LPA: variants seen among roughly 807,000 people sequenced by gnomAD.
LPA encodes the protein apolipoprotein(a).
In LPA, 199 loss-of-function variants were observed where a neutral mutation model predicts 197.9. The ratio of observed to expected loss-of-function variants is 1.01; its 90% CI spans 0.90 to 1.13. The LOEUF (loss-of-function observed/expected upper bound fraction) is 1.13, where lower values mean the gene tolerates loss of function less well. Ranked by LOEUF, LPA falls within the 50% of genes most tolerant of loss-of-function variation. The pLI is 0.00. For missense variants in LPA, 1,853 were observed against 1,785.8 expected, an observed-to-expected ratio of 1.04 and a Z score of -0.68; for synonymous variants, 715 against 639.5, an observed-to-expected ratio of 1.12 and a Z score of -1.78.
intron 17 of LPA, among the ~76,000 whole-genome samples, chr6:160,605,908 G>A (rs1036293566): frequency 5.9e-5 from 9 of 152,150 alleles, no homozygotes; most frequent in Admixed American, 4.6e-4. Context: ...ACACGGGGCA[G>A]TCACTCACTT....
chr6:160,659,375 C>A (rs1365012840), intron 1 of LPA, among the ~76,000 whole-genome samples: 2 of 152,126 alleles, frequency 1.3e-5, no homozygotes, highest in African/African-American at 2.4e-5. Context: ...GTGTTAGTGG[C>A]AGAAGGACTT....
chr6:160,600,588 T>A, intron 19 of LPA, among the ~76,000 whole-genome samples: 1 of 152,206 alleles, frequency 6.6e-6, no homozygotes, highest in Non-Finnish European at 1.5e-5. Flanking sequence ...AAAAGTTTAC[T>A]GGCTTGGAAA....
At chr6:160,545,367 GT>G (rs145918593) in intron 33 of LPA, 72 bp downstream of exon 33, 15 of 1,149,818 alleles carry the variant, frequency 1.3e-5, no homozygotes, top group African/African-American at 3.2e-5. Context: ...GCCATTTTCT[GT>G]TTTTTTTGCT....
rs1336683419 is a variant in LPA, at chr6:160,595,381, G to T, written c.3442C>A (p.Pro1148Thr). 1.9e-6 allele frequency: 3 copies of T among 1,612,836 alleles called. No individual in the cohort carries two copies. Among genetic ancestry groups the T allele is most frequent in the Non-Finnish European group, 2.5e-6 (3 of 1,179,892 alleles). The change falls in exon 21 of 39, where the codon CCA becomes ACA. Residue 1148 changes from proline (P) to threonine (T), a missense_variant. By Grantham distance (38) the Pro-to-Thr change is conservative (BLOSUM62 -1). This residue lies in a region of LPA where 1,737 missense variants were observed against 1,504.4 expected (regional missense o/e 1.15). Coordinates refer to ENST00000316300, the MANE Select transcript of LPA (RefSeq NM_005577.4). ...TCTTCAGAAGAAGCCTCTGTGCTTG[G>T]ATCTGGGACCACCGTGAGAGTTGCA... ...VLATLTVVPD[P>T]STEASSEEAP...
chr6:160,588,730 C>T (rs1187006220), intron 24 of LPA, among the ~76,000 whole-genome samples: 1 of 152,132 alleles, frequency 6.6e-6, no homozygotes, highest in East Asian at 1.9e-4. Context: ...AGTCTCTCTC[C>T]TCAGTTAAGC....
At chr6:160,607,104 A>T (rs1779371829) in intron 16 of LPA, among the ~76,000 whole-genome samples, 1 of 152,076 alleles carries the variant, frequency 6.6e-6, no homozygotes, top group African/African-American at 2.4e-5. Flanking sequence ...GCAAGTTGCA[A>T]CTAACAGGTA....
chr6:160,606,772 C>G, intron 16 of LPA, 114 bp from the exon 17 acceptor site: 3 of 1,480,008 alleles, frequency 2.0e-6, no homozygotes, highest in Non-Finnish European at 2.8e-6. Flanking sequence ...CTAATATTCC[C>G]ATAAAAGTAC....
intron 37 of LPA, among the ~76,000 whole-genome samples, chr6:160,536,093 T>C (rs1164795126): frequency 6.6e-6 from 1 of 152,174 alleles, no homozygotes; most frequent in East Asian, 1.9e-4. Flanking sequence ...GTGACCCAAG[T>C]TTGACTTCTC....
intron 1 of LPA, among the ~76,000 whole-genome samples, chr6:160,657,896 T>C (rs1780158482): frequency 6.6e-6 from 1 of 152,164 alleles, no homozygotes; most frequent in African/African-American, 2.4e-5. Flanking sequence ...TCTTTTAGAG[T>C]ATAATGCACC....
At position 160,646,333 on chromosome 6, in the gene LPA, C is replaced by A; in HGVS notation, c.272G>T (p.Arg91Met). 2.0e-5 allele frequency: 1 copy of A among 50,088 alleles called. No individual in the cohort carries two copies. The highest frequency in any genetic ancestry group is 3.4e-5 in the Non-Finnish European group (1 of 29,848). 3.1% of individuals were successfully genotyped at this position (50,088 alleles called of 1,614,324 possible). A position where few individuals can be genotyped will look rare whatever the true frequency, so the allele number is the denominator to read the frequency against. Residue 91 changes from arginine (R) to methionine (M), a missense_variant, in exon 3 of 39, where the codon AGG (arginine) becomes ATG (methionine). Arg to Met is a moderately conservative substitution (Grantham distance 91, BLOSUM62 -1). Around this residue, in one of 3 missense-constraint regions of LPA, gnomAD observed 88 missense variants for 83.0 expected, o/e 1.06. Coordinates refer to ENST00000316300, the MANE Select transcript of LPA (RefSeq NM_005577.4). ...GTACTCCCACCTGACACCGGGATCCCTCGTATAACAATAAGGAGCTGCCAC... is the reference window on the plus strand; with the variant it reads ...GTACTCCCACCTGACACCGGGATCCATCGTATAACAATAAGGAGCTGCCAC... ...DAVAAPYCYT[R>M]DPGVRWEYCN...
In LPA at chr6:160,589,732, A is replaced by T. The variant is rs1164928929; in HGVS notation, c.3788-20T>A. On this transcript the variant is annotated intron_variant, in intron 23 of 38. Transcript: ENST00000316300. ...TTGGTGCTGAAATTCAAAGAGGAGA[A>T]AACAAACTGAGTAATTTCCAGAACA... The T allele has an allele frequency of 6.2e-7, 1 of 1,613,582 alleles. No individual in the cohort carries two copies. The highest frequency in any genetic ancestry group is 2.2e-5 in the East Asian group (1 of 44,838).
At chr6:160,653,976 TATATA>T (rs1219858292) in intron 1 of LPA, among the ~76,000 whole-genome samples, 432 of 22,410 alleles carry the variant, frequency 0.019, 27 homozygotes, top group Middle Eastern at 0.029. Context: ...TTATATATAA[TATATA>T]ATATATAATA....
intron 28 of LPA, among the ~76,000 whole-genome samples, chr6:160,558,390 G>A (rs1183330887): frequency 1.3e-5 from 2 of 152,168 alleles, no homozygotes; most frequent in Non-Finnish European, 2.9e-5. Context: ...TACTCACAGT[G>A]TAGCTAAAAG....
At chr6:160,539,864 G>A (rs991241884) in intron 36 of LPA, among the ~76,000 whole-genome samples, 179 bp downstream of exon 36, 13 of 152,102 alleles carry the variant, frequency 8.5e-5, no homozygotes, top group Non-Finnish European at 4.4e-5. Flanking sequence ...TTTTTAAAGA[G>A]CACAACTAAC....
intron 32 of LPA, 60 bp from the exon 33 acceptor site, chr6:160,545,593 T>G (rs1778056218): frequency 1.0e-6 from 1 of 953,116 alleles, no homozygotes; most frequent in African/African-American, 1.6e-5. Context: ...GAGAAGATAT[T>G]CTAAGGCACA....
Position 160,557,560 on chromosome 6 carries a change from T to C in LPA, c.4643A>G (p.Glu1548Gly). ...AGAATCTGGATTCCTGCAGTAGTTC[T>C]CGGTCAGGCCACTGCAAATTCCAAA... is the stretch of plus-strand genomic sequence containing the variant. ...PENYPNAGLT[E>G]NYCRNPDSGK... is the part of the protein sequence containing the mutation. The change falls in exon 29 of 39, where the codon GAG becomes GGG. Residue 1548 changes from glutamate (E) to glycine (G), a missense_variant. Glu to Gly is a moderately conservative substitution (Grantham distance 98, BLOSUM62 -2). Transcript: ENST00000316300. 6.2e-7 allele frequency: 1 copy of C among 1,614,040 alleles called. No individual in the cohort carries two copies. The highest frequency in any genetic ancestry group is 8.5e-7 in the Non-Finnish European group (1 of 1,179,994).
chr6:160,552,141 G>A (rs769576651), intron 30 of LPA, among the ~76,000 whole-genome samples: 1 of 152,076 alleles, frequency 6.6e-6, no homozygotes, highest in Non-Finnish European at 1.5e-5. Context: ...TGAACATCTG[G>A]GCTCAAGCCA....
intron 37 of LPA, 117 bp downstream of exon 37, chr6:160,537,738 G>C: frequency 1.0e-6 from 1 of 955,234 alleles, no homozygotes; most frequent in Non-Finnish European, 1.7e-6. Context: ...AAAGTCAGGA[G>C]TGGGTAGACC....
chr6:160,583,068 C>G (rs1778830841), intron 26 of LPA, among the ~76,000 whole-genome samples: 1 of 151,932 alleles, frequency 6.6e-6, no homozygotes. Flanking sequence ...TGATATTATC[C>G]ATTTATTTAT....
Sources: allele counts gnomAD v4.1 joint callset (sites outside exome capture counted in the v4.1 genomes callset), GRCh38; gene constraint gnomAD v4.1.1; regional missense constraint gnomAD v4.1.1; transcripts MANE v1.5; gene names NCBI Gene and HGNC (gene_info 2026-07-23, HGNC 2026-07-21).